Variants in MCF2L2 observed in about 807,000 individuals in gnomAD.
MCF2L2 encodes probable guanine nucleotide exchange factor MCF2L2.
In MCF2L2, 102 loss-of-function variants were observed where a neutral mutation model predicts 150.2. The observed-to-expected ratio is 0.68, with a 90% CI of 0.58 to 0.80. The LOEUF (loss-of-function observed/expected upper bound fraction) is 0.80. Among genes scored for constraint, MCF2L2 ranks in the 30% least tolerant of loss-of-function variants. MCF2L2 has a pLI of 0.00. For missense variants in MCF2L2, 1,256 were observed against 1,372.8 expected (o/e 0.91, Z 1.34); for synonymous variants, 465 against 491.3 (o/e 0.95, Z 0.71).
chr3:183,216,119 G>A (rs1722901187), intron 21 of MCF2L2, 25 bp from the exon 22 acceptor site: 2 of 1,609,762 alleles, frequency 1.2e-6, no homozygotes, highest in South Asian at 1.1e-5. Flanking sequence ...TGCCTTGTTG[G>A]AAATCAAAAG....
intron 14 of MCF2L2, among the ~76,000 whole-genome samples, chr3:183,284,350 A>C (rs145691482): frequency 6.6e-6 from 1 of 152,224 alleles, no homozygotes; most frequent in African/African-American, 2.4e-5. Context: ...CTCTAGGACA[A>C]TGTTACAAAG....
intron 22 of MCF2L2, among the ~76,000 whole-genome samples, chr3:183,211,149 G>T (rs1317288): frequency 3.3e-5 from 5 of 152,146 alleles, no homozygotes; most frequent in African/African-American, 1.2e-4. Flanking sequence ...TGGTAAGAGG[G>T]GGGGCGAGCA....
At chr3:183,316,803 T>C (rs1729623169) in intron 7 of MCF2L2, among the ~76,000 whole-genome samples, 1 of 152,072 alleles carries the variant, frequency 6.6e-6, no homozygotes, top group Admixed American at 6.5e-5. Flanking sequence ...CCTCCCAGCT[T>C]CAAGCAATTC....
At chr3:183,381,801 G>A (rs1368946123) in intron 2 of MCF2L2, among the ~76,000 whole-genome samples, 1 of 152,172 alleles carries the variant, frequency 6.6e-6, no homozygotes, top group East Asian at 1.9e-4. Context: ...CCTCATTACA[G>A]TGACTGATGA....
chr3:183,216,580 ATTTTTTTTTTTTT>A (rs1160267005), intron 21 of MCF2L2, among the ~76,000 whole-genome samples: 10 of 3,848 alleles, frequency 2.6e-3, no homozygotes, highest in African/African-American at 4.3e-3. Flanking sequence ...ATATATATAT[ATTTTTTTTTTTTT>A]TTTTTTTTTT....
At chr3:183,391,843 CAGAAAT>C (rs1376920046) in intron 1 of MCF2L2, among the ~76,000 whole-genome samples, 2 of 152,204 alleles carry the variant, frequency 1.3e-5, no homozygotes, top group Non-Finnish European at 2.9e-5. Flanking sequence ...GTGGCATACT[CAGAAAT>C]AGAGCTTCAG....
chr3:183,203,948 G>A (rs577865299), intron 25 of MCF2L2, among the ~76,000 whole-genome samples: 1 of 152,294 alleles, frequency 6.6e-6, no homozygotes, highest in Admixed American at 6.5e-5. Context: ...AAGAAAAAGA[G>A]GGTCAACAAG....
At chr3:183,411,167 A>C (rs1300153939) in intron 1 of MCF2L2, among the ~76,000 whole-genome samples, 1 of 152,116 alleles carries the variant, frequency 6.6e-6, no homozygotes, top group Non-Finnish European at 1.5e-5. Flanking sequence ...TGGCTTTGTT[A>C]ATGTGAATTA....
chr3:183,230,183 G>A lies in MCF2L2; in HGVS notation c.1930-402C>T, dbSNP rs556870832. 2.2e-4 allele frequency among the ~76,000 whole-genome samples: 34 copies of A among 152,080 alleles called. 1 individual carries two copies. Among genetic ancestry groups the A allele is most frequent in the Middle Eastern group, 3.4e-3 (1 of 294 alleles). Reference sequence around the variant, plus strand: ...GGCTGGAGTGCAATGGCGTGATCTCGGCTCACTGCAACCTCCGCCTCCTGG... The same window carrying A: ...GGCTGGAGTGCAATGGCGTGATCTCAGCTCACTGCAACCTCCGCCTCCTGG... On this transcript the variant is annotated intron_variant, in intron 16 of 29. Coordinates refer to ENST00000328913, the MANE Select transcript of MCF2L2 (RefSeq NM_015078.4).
At chr3:183,221,488 G>A (rs1020796779) in intron 20 of MCF2L2, among the ~76,000 whole-genome samples, 5 of 152,258 alleles carry the variant, frequency 3.3e-5, no homozygotes, top group South Asian at 2.1e-4. Flanking sequence ...TTAAACTCTC[G>A]AGTCTGTGTT....
At chr3:183,421,072 T>A (rs1280549773) in intron 1 of MCF2L2, among the ~76,000 whole-genome samples, 1 of 152,254 alleles carries the variant, frequency 6.6e-6, no homozygotes, top group Non-Finnish European at 1.5e-5. Context: ...TCTTTGTATG[T>A]GATGAGTCAT....
At chr3:183,277,011 A>G (rs1167185767) in intron 14 of MCF2L2, 54 bp from the exon 15 acceptor site, 11 of 1,176,546 alleles carry the variant, frequency 9.3e-6, no homozygotes, top group South Asian at 1.4e-5. Flanking sequence ...CTCCTAATCT[A>G]TATTTTTCTC....
chr3:183,213,844 T>C (rs1014532944), intron 22 of MCF2L2, among the ~76,000 whole-genome samples: 1 of 152,220 alleles, frequency 6.6e-6, no homozygotes, highest in Admixed American at 6.5e-5. Flanking sequence ...AACAGGATTA[T>C]ACAAAACTGT....
chr3:183,193,657 G>A lies in MCF2L2; in HGVS notation c.2919-561C>T, dbSNP rs570684727. ...CAAATCTTAAAGGGGGAAGAGATGA[G>A]GAGGAATAATCCCCTTTGTCTTCTC... On this transcript the variant is annotated intron_variant, in intron 26 of 29. Coordinates refer to ENST00000328913, the MANE Select transcript of MCF2L2 (RefSeq NM_015078.4). Among the ~76,000 whole-genome samples the A allele has an allele frequency of 3.9e-5, 6 of 152,270 alleles. No individual in the cohort carries two copies. The South Asian group carries it at 1.2e-3, about 32-fold the overall frequency.
Position 183,300,151 on chromosome 3 carries a change from G to A in MCF2L2, c.1159C>T (p.Leu387Phe). 6.2e-7 allele frequency: 1 copy of A among 1,613,248 alleles called. No homozygotes were observed. The highest frequency in any genetic ancestry group is 8.5e-7 in the Non-Finnish European group (1 of 1,179,778). The part of the protein sequence containing the change: ...AQLLALVGDQ[L>F]IQSHHYAADA... ...GCTGCATAATGGTGGCTTTGGATGA[G>A]CTGGTCCCCAACCAGTGCCAGCAGC... The change falls in exon 11 of 30, where the codon CTC becomes TTC. Residue 387 changes from leucine to phenylalanine, a missense_variant. By Grantham distance (22) the Leu-to-Phe change is conservative. Coordinates refer to ENST00000328913, the MANE Select transcript of MCF2L2 (RefSeq NM_015078.4).
chr3:183,400,389 A>G, intron 1 of MCF2L2: 1 of 456,282 alleles, frequency 2.2e-6, no homozygotes. Context: ...GCAACTTCCT[A>G]CTAAACGGTG....
At chr3:183,314,150 T>C (rs1729498645) in intron 7 of MCF2L2, among the ~76,000 whole-genome samples, 1 of 152,158 alleles carries the variant, frequency 6.6e-6, no homozygotes, top group African/African-American at 2.4e-5. Context: ...GGTTTCAAAT[T>C]TATCATGAAG....
At chr3:183,402,493 G>C (rs6772807) in intron 1 of MCF2L2, among the ~76,000 whole-genome samples, 62,684 of 144,348 alleles carry the variant, frequency 0.43, 14,555 homozygotes, top group African/African-American at 0.6. Flanking sequence ...AGGCTAGAGG[G>C]TAGAAGGGTT....
intron 15 of MCF2L2, chr3:183,272,593 A>G (rs1287055799): frequency 1.6e-5 from 16 of 995,736 alleles, no homozygotes; most frequent in Non-Finnish European, 1.9e-5. Flanking sequence ...ACTAATGTCA[A>G]AACTACAGTG....
Sources: gnomAD v4.1 joint callset for allele counts (sites outside exome capture counted in the v4.1 genomes callset) on GRCh38, gnomAD v4.1.1 for gene constraint, MANE v1.5 for transcripts, NCBI Gene and HGNC (gene_info 2026-07-23, HGNC 2026-07-21) for gene names.